Variants in MEIS2 observed in about 807,000 individuals in gnomAD.
MEIS2 encodes the protein Meis homeobox 2.
A neutral mutation model predicts 58.6 loss-of-function variants in MEIS2; 9 were observed. The observed-to-expected ratio is 0.15, with a 90% CI of 0.09 to 0.27. The LOEUF is 0.27. Among genes scored for constraint, MEIS2 ranks in the 10% least tolerant of loss-of-function variants. MEIS2 has a pLI of 1.00. For missense variants in MEIS2, 427 were observed against 635.0 expected (o/e 0.67, Z 3.52); for synonymous variants, 221 against 228.4 (o/e 0.97, Z 0.29).
intron 8 of MEIS2, among the ~76,000 whole-genome samples, chr15:36,963,295 G>A (rs185961918): frequency 6.3e-4 from 96 of 151,894 alleles, no homozygotes; most frequent in African/African-American, 2.0e-3. Flanking sequence ...CAGGAGAATC[G>A]CTTGAACCTG....
intron 9 of MEIS2, among the ~76,000 whole-genome samples, chr15:36,899,487 T>G (rs1168372157): frequency 1.3e-5 from 2 of 152,232 alleles, no homozygotes; most frequent in Non-Finnish European, 2.9e-5. Context: ...ATTTATTTAA[T>G]ATTTGTAAGA....
chr15:37,022,565 T>A (rs1440296122), intron 8 of MEIS2, among the ~76,000 whole-genome samples: 4 of 152,170 alleles, frequency 2.6e-5, no homozygotes, highest in South Asian at 2.1e-4. Flanking sequence ...GAACATTTTT[T>A]AAATGCTTAC....
chr15:37,027,533 G>A (rs1217603564), intron 8 of MEIS2, among the ~76,000 whole-genome samples: 1 of 152,112 alleles, frequency 6.6e-6, no homozygotes. Flanking sequence ...TATTCTTGGA[G>A]TTTTTAAATA....
rs184327307 is a variant in MEIS2 at position 37,055,595 on chromosome 15, G to A, written c.755-18636C>T. 3.3e-5 allele frequency among the ~76,000 whole-genome samples: 5 copies of A among 152,270 alleles called. No individual in the cohort carries two copies. In the East Asian group the frequency reaches 7.8e-4, roughly 24 times the overall value. On this transcript the variant is annotated intron_variant, in intron 7 of 11. Coordinates refer to ENST00000561208, the MANE Select transcript of MEIS2 (RefSeq NM_170675.5). ...ATTGATTCATCTCACTGACAAAAAT[G>A]TGATAAAAGAACGCCAACCACAGAG... is the stretch of plus-strand genomic sequence containing the variant.
At chr15:37,087,017 G>T (rs1034631918) in intron 6 of MEIS2, among the ~76,000 whole-genome samples, 7 of 152,062 alleles carry the variant, frequency 4.6e-5, no homozygotes, top group African/African-American at 1.7e-4. Flanking sequence ...AAATGGCATG[G>T]CTTTCTGCCA....
intron 8 of MEIS2, among the ~76,000 whole-genome samples, chr15:36,955,128 A>G (rs1167017062): frequency 6.6e-6 from 1 of 152,180 alleles, no homozygotes; most frequent in Non-Finnish European, 1.5e-5. Context: ...TTAATTTAAT[A>G]CCTTTTTCTT....
At chr15:36,985,090 C>A (rs113133588) in intron 8 of MEIS2, among the ~76,000 whole-genome samples, 7 of 152,138 alleles carry the variant, frequency 4.6e-5, no homozygotes, top group African/African-American at 1.7e-4. Flanking sequence ...TTTTTTCCCT[C>A]TTATACTCTT....
At chr15:36,917,198 A>C (rs1401328966) in intron 9 of MEIS2, among the ~76,000 whole-genome samples, 1 of 152,238 alleles carries the variant, frequency 6.6e-6, no homozygotes, top group Non-Finnish European at 1.5e-5. Context: ...TCAGATAGAG[A>C]AATTGAACCA....
chr15:37,031,110 G>A (rs1472742491), intron 8 of MEIS2, among the ~76,000 whole-genome samples: 1 of 152,160 alleles, frequency 6.6e-6, no homozygotes, highest in Non-Finnish European at 1.5e-5. Flanking sequence ...ATAAGAATCA[G>A]GCACAGGGCT....
chr15:36,964,213 C>T (rs2059284247), intron 8 of MEIS2, among the ~76,000 whole-genome samples: 1 of 152,174 alleles, frequency 6.6e-6, no homozygotes, highest in Admixed American at 6.5e-5. Flanking sequence ...CCAAATGAAA[C>T]ATTCTGGTGG....
At chr15:37,004,652 G>A (rs149260040) in intron 8 of MEIS2, among the ~76,000 whole-genome samples, 3 of 152,082 alleles carry the variant, frequency 2.0e-5, no homozygotes, top group African/African-American at 7.2e-5. Context: ...TCTTGATACC[G>A]CAGACTGATA....
At chr15:36,941,844 G>C (rs182270766) in intron 9 of MEIS2, among the ~76,000 whole-genome samples, 1 of 152,130 alleles carries the variant, frequency 6.6e-6, no homozygotes, top group South Asian at 2.1e-4. Context: ...GATTTTTCAC[G>C]TGTGGGTTTT....
intron 9 of MEIS2, among the ~76,000 whole-genome samples, chr15:36,926,178 T>G (rs1277887784): frequency 2.6e-5 from 4 of 151,674 alleles, no homozygotes; most frequent in Non-Finnish European, 4.4e-5. Context: ...TCTTGAAAGG[T>G]CACTCTGTCC....
chr15:36,960,003 C>G lies in MEIS2; in HGVS notation c.901-9603G>C, dbSNP rs575745959. Among the ~76,000 whole-genome samples, 3 of 151,974 alleles carry G rather than the reference C, an allele frequency of 2.0e-5. No individual in the cohort carries two copies. The South Asian group carries it at 6.2e-4, about 32-fold the overall frequency. On this transcript the variant is annotated intron_variant, in intron 8 of 11. Coordinates refer to ENST00000561208, the MANE Select transcript of MEIS2 (RefSeq NM_170675.5). ...TAGTGATTAGTCCATTACAACATTT[C>G]TTTAGTAACAGGAAAAAAAAGTCTA...
At chr15:37,070,793 G>A (rs940711439) in intron 7 of MEIS2, among the ~76,000 whole-genome samples, 1 of 152,000 alleles carries the variant, frequency 6.6e-6, no homozygotes, top group Non-Finnish European at 1.5e-5. Flanking sequence ...TTTCTAGAAT[G>A]GTGTCACATA....
At chr15:37,034,510 C>G (rs1004132947) in intron 8 of MEIS2, among the ~76,000 whole-genome samples, 1 of 152,278 alleles carries the variant, frequency 6.6e-6, no homozygotes, top group Middle Eastern at 3.4e-3. Context: ...ACTGTTAGTT[C>G]GTAGCACAGC....
At chr15:37,015,467 CAT>C (rs1382999482) in intron 8 of MEIS2, among the ~76,000 whole-genome samples, 2 of 125,640 alleles carry the variant, frequency 1.6e-5, no homozygotes, top group Non-Finnish European at 3.6e-5. Context: ...CACACACACA[CAT>C]GCACACACAC....
chr15:36,902,596 AG>A (rs2056535127), intron 9 of MEIS2, among the ~76,000 whole-genome samples: 1 of 152,224 alleles, frequency 6.6e-6, no homozygotes. Flanking sequence ...GCATTTTAAA[AG>A]ATCTCCAAGG....
At chr15:36,914,678 T>C (rs2057191875) in intron 9 of MEIS2, among the ~76,000 whole-genome samples, 2 of 152,162 alleles carry the variant, frequency 1.3e-5, no homozygotes, top group African/African-American at 4.8e-5. Flanking sequence ...CTGATGGGAA[T>C]AGAAATTGCT....
Sources: allele counts gnomAD v4.1 joint callset (sites outside exome capture counted in the v4.1 genomes callset), GRCh38; gene constraint gnomAD v4.1.1; transcripts MANE v1.5; gene names NCBI Gene and HGNC (gene_info 2026-07-23, HGNC 2026-07-21).